The following ADCY8 variants were observed in gnomAD, a reference collection of about 807,000 sequenced individuals.
ADCY8 encodes adenylate cyclase 8.
ADCY8 carries 51 observed loss-of-function variants against 119.7 expected under a neutral mutation model. That is an observed-to-expected ratio of 0.43 (90% CI 0.34 to 0.54). The LOEUF is 0.54. Ranked by LOEUF, ADCY8 falls within the 20% of genes least tolerant of loss-of-function variation. The pLI, the probability that ADCY8 is intolerant of heterozygous loss-of-function variation, is 0.03. For missense variants in ADCY8, 1,383 were observed against 1,598.8 expected (o/e 0.87, Z 2.30); for synonymous variants, 665 against 651.0 (o/e 1.02, Z -0.33).
At chr8:131,014,738 A>T (rs7840086) in intron 1 of ADCY8, among the ~76,000 whole-genome samples, 80,675 of 151,990 alleles carry the variant, frequency 0.53, 22,318 homozygotes, top group East Asian at 0.72. Context: ...GACTTCTCAT[A>T]TGTTAAATGG....
At chr8:130,950,945 A>T (rs1203712774) in intron 3 of ADCY8, among the ~76,000 whole-genome samples, 1 of 152,112 alleles carries the variant, frequency 6.6e-6, no homozygotes, top group African/African-American at 2.4e-5. Context: ...TGATCCGCCC[A>T]CCTTGGCCTC....
At chr8:130,992,377 T>TATATATATATATGAGCAACTGTGC (rs1563758935) in intron 1 of ADCY8, among the ~76,000 whole-genome samples, 1 of 122,968 alleles carries the variant, frequency 8.1e-6, no homozygotes, top group African/African-American at 3.4e-5. Context: ...AGCAACTGTA[T>TATATATATATATGAGCAACTGTGC]CTGGCATATA....
chr8:130,820,200 C>G (rs1325857455), intron 13 of ADCY8, among the ~76,000 whole-genome samples: 4 of 152,216 alleles, frequency 2.6e-5, no homozygotes, highest in African/African-American at 7.2e-5. Flanking sequence ...CTTGACTACA[C>G]TGTACAATCC....
intron 1 of ADCY8, among the ~76,000 whole-genome samples, chr8:130,991,513 A>T (rs1053326645): frequency 1.3e-5 from 2 of 152,218 alleles, no homozygotes; most frequent in African/African-American, 4.8e-5. Flanking sequence ...AAATAACTGA[A>T]CTGATATTTG....
chr8:130,790,706 A>T (rs541606895), intron 15 of ADCY8, among the ~76,000 whole-genome samples: 13 of 152,128 alleles, frequency 8.5e-5, no homozygotes, highest in Non-Finnish European at 1.5e-4. Flanking sequence ...GCTGGTAGGG[A>T]TTCACTCCCT....
At chr8:131,028,476 G>A (rs750353559) in intron 1 of ADCY8, among the ~76,000 whole-genome samples, 2 of 152,164 alleles carry the variant, frequency 1.3e-5, no homozygotes, top group Non-Finnish European at 2.9e-5. Context: ...CGATGAATGA[G>A]GGTGTGGGAG....
intron 16 of ADCY8, among the ~76,000 whole-genome samples, chr8:130,785,162 C>A (rs191107961): frequency 2.6e-5 from 4 of 152,350 alleles, no homozygotes; most frequent in Admixed American, 2.6e-4. Context: ...AGGTTCAGAA[C>A]AAAGCCTAGA....
In ADCY8 at chr8:130,783,392, C is replaced by T. The variant is rs188592694; in HGVS notation, c.3268+299G>A. Among the ~76,000 whole-genome samples the T allele has an allele frequency of 2.6e-3, 394 of 152,314 alleles. 4 individuals are homozygous for T. The highest frequency in any genetic ancestry group is 2.7e-3 in the African/African-American group (111 of 41,572). On this transcript the variant is annotated intron_variant, in intron 17 of 17. Coordinates refer to ENST00000286355, the MANE Select transcript of ADCY8 (RefSeq NM_001115.3). The stretch of plus-strand genomic sequence containing the variant: ...GATTAGTCAGCTACATCTCTATGCA[C>T]GACCTTGCATGGGCAGGCAAGTTGG...
At chr8:130,826,742 G>T (rs890961197) in intron 12 of ADCY8, among the ~76,000 whole-genome samples, 1 of 144,412 alleles carries the variant, frequency 6.9e-6, no homozygotes, top group African/African-American at 2.5e-5. Flanking sequence ...GGAAACAGCA[G>T]TGTCATGAAT....
In ADCY8 at chr8:131,039,862, G is replaced by A. The variant is rs780136130; in HGVS notation, c.472C>T (p.Arg158Cys). ...SYRGVIFPTL[R>C]NSFKSRDLER... The stretch of plus-strand genomic sequence containing the variant: ...AAATCCCGAGATTTGAAGGAGTTGC[G>A]CAGGGTGGGGAAAATGACCCCTCGG... The change falls in exon 1 of 18, where the codon CGC becomes TGC. Residue 158 changes from arginine (R) to cysteine (C), a missense_variant. This residue lies in a region of ADCY8 where 455 missense variants were observed against 435.3 expected (regional missense o/e 1.05). Coordinates refer to ENST00000286355, the MANE Select transcript of ADCY8 (RefSeq NM_001115.3). The A allele has an allele frequency of 6.2e-7, 1 of 1,613,982 alleles. No individual in the cohort carries two copies. Among genetic ancestry groups the A allele is most frequent in the Non-Finnish European group, 8.5e-7 (1 of 1,179,994 alleles).
intron 2 of ADCY8, among the ~76,000 whole-genome samples, chr8:130,980,057 C>T (rs770289314): frequency 2.6e-5 from 4 of 152,034 alleles, no homozygotes; most frequent in African/African-American, 4.8e-5. Flanking sequence ...AGAAACTGTC[C>T]CATGTCACTC....
intron 1 of ADCY8, among the ~76,000 whole-genome samples, chr8:131,018,490 GT>G (rs1278475888): frequency 1.3e-5 from 2 of 152,140 alleles, no homozygotes; most frequent in Admixed American, 1.3e-4. Context: ...CATGTGTTGT[GT>G]GCTAGGCATT....
intron 8 of ADCY8, among the ~76,000 whole-genome samples, chr8:130,870,077 AATCTCGGCTCACTGCAAC>A (rs916910210): frequency 6.9e-6 from 1 of 145,184 alleles, no homozygotes; most frequent in Non-Finnish European, 1.5e-5. Flanking sequence ...GCAGTGGTGC[AATCTCGGCTCACTGCAAC>A]CTCTGTCTCC....
At chr8:130,787,276 G>A (rs1815276996) in intron 15 of ADCY8, among the ~76,000 whole-genome samples, 2 of 152,182 alleles carry the variant, frequency 1.3e-5, no homozygotes, top group South Asian at 2.1e-4. Flanking sequence ...GCAAGATCCA[G>A]GCAGGCAATG....
At chr8:131,039,314 A>G in intron 1 of ADCY8, 60 bp downstream of exon 1, 1 of 1,582,978 alleles carries the variant, frequency 6.3e-7, no homozygotes, top group Non-Finnish European at 8.6e-7. Flanking sequence ...TCTGGAAGCT[A>G]TATGATCAAT....
chr8:130,978,992 T>C (rs1822156843), intron 2 of ADCY8, among the ~76,000 whole-genome samples: 1 of 152,164 alleles, frequency 6.6e-6, no homozygotes, highest in African/African-American at 2.4e-5. Flanking sequence ...GCCTGAAGCC[T>C]GCTTAGAAAT....
intron 15 of ADCY8, among the ~76,000 whole-genome samples, chr8:130,800,070 G>C (rs146500671): frequency 2.0e-5 from 3 of 152,304 alleles, no homozygotes; most frequent in Admixed American, 6.5e-5. Context: ...TGAGAAGATG[G>C]AGCAATGCCT....
intron 1 of ADCY8, among the ~76,000 whole-genome samples, chr8:130,998,235 A>C (rs1354675004): frequency 6.6e-6 from 1 of 152,192 alleles, no homozygotes; most frequent in African/African-American, 2.4e-5. Context: ...GTAGGATGGA[A>C]AGTGATGGCA....
At chr8:130,794,094 C>A (rs1815504873) in intron 15 of ADCY8, among the ~76,000 whole-genome samples, 1 of 152,104 alleles carries the variant, frequency 6.6e-6, no homozygotes, top group African/African-American at 2.4e-5. Flanking sequence ...AATCATGCTG[C>A]CACGGTCAGC....
Sources: gnomAD v4.1 joint callset for allele counts (sites outside exome capture counted in the v4.1 genomes callset) on GRCh38, gnomAD v4.1.1 for gene constraint, gnomAD v4.1.1 regional missense constraint, MANE v1.5 for transcripts, NCBI Gene and HGNC (gene_info 2026-07-23, HGNC 2026-07-21) for gene names.